Variants in ROBO3 observed in about 807,000 individuals in gnomAD.
The protein encoded by ROBO3 is roundabout guidance receptor 3.
A neutral mutation model predicts 160.5 loss-of-function variants in ROBO3; 97 were observed. That is an observed-to-expected ratio of 0.60 (90% CI 0.51 to 0.72). ROBO3 has a LOEUF of 0.72. Ranked by LOEUF, ROBO3 falls within the 30% of genes least tolerant of loss-of-function variation. ROBO3 has a pLI of 0.00. For synonymous variants in ROBO3, 780 were observed against 746.2 expected, an observed-to-expected ratio of 1.05 and a Z score of -0.74; for missense variants, 1,858 against 1,846.5, an observed-to-expected ratio of 1.01 and a Z score of -0.11.
In ROBO3 at chr11:124,878,489, T is replaced by C; in HGVS notation, c.3320+53T>C. On this transcript the variant is annotated intron_variant, in intron 22 of 27. Transcript: ENST00000397801. This position sits in a 1 kb window ranked among gnomAD's most constrained non-coding sequence, Gnocchi z 4.3. ...ACACACCTGCGGCCAGACCATGGGC[T>C]GCTGGGGAGGAAGGGGAGGGGGCAG... 3.7e-6 allele frequency: 6 copies of C among 1,604,198 alleles called. No individual in the cohort carries two copies. Among genetic ancestry groups the C allele is most frequent in the Non-Finnish European group, 4.3e-6 (5 of 1,173,702 alleles).
In ROBO3 at chr11:124,878,463, C is replaced by T; in HGVS notation, c.3320+27C>T. 1 of 1,609,386 alleles carries T rather than the reference C, an allele frequency of 6.2e-7. No individual in the cohort carries two copies. Among genetic ancestry groups the T allele is most frequent in the Non-Finnish European group, 8.5e-7 (1 of 1,177,070 alleles). On this transcript the variant is annotated intron_variant, in intron 22 of 27. Coordinates refer to ENST00000397801, the MANE Select transcript of ROBO3 (RefSeq NM_022370.4). The surrounding 1 kb of genome is among the most constrained non-coding windows in gnomAD (Gnocchi z 4.3). ...TAGAGATGCTCCCTGCTTCCAGGCCCACACACCTGCGGCCAGACCATGGGC... is the reference window on the plus strand; with the variant it reads ...TAGAGATGCTCCCTGCTTCCAGGCCTACACACCTGCGGCCAGACCATGGGC...
In ROBO3 at chr11:124,873,866, T is replaced by G; in HGVS notation, c.1784+4T>G. On this transcript the variant is annotated splice_donor_region_variant and intron_variant, in intron 11 of 27. Transcript: ENST00000397801. This position sits in a 1 kb window ranked among gnomAD's most constrained non-coding sequence, Gnocchi z 4.5. The stretch of plus-strand genomic sequence containing the variant: ...CTTATGTGATAGAGGCCTTCAGGTA[T>G]GGAGAAAGTTTTGAATGCAAACCTG... 6.2e-7 allele frequency: 1 copy of G among 1,612,542 alleles called. No individual in the cohort carries two copies. The highest frequency in any genetic ancestry group is 8.5e-7 in the Non-Finnish European group (1 of 1,179,152).
rs559490934 is a variant in ROBO3 at position 124,877,607 on chromosome 11, A to G, written c.2935A>G (p.Arg979Gly). 3.7e-6 allele frequency: 6 copies of G among 1,609,598 alleles called. No homozygotes were observed. The highest frequency in any genetic ancestry group is 5.1e-6 in the Non-Finnish European group (6 of 1,178,190). ...PSRSPSAQEP[R>G]GSCCPSNPDP... ...TCGAAGCCCCTCGGCCCAGGAACCC[A>G]GGGGAAGCTGCTGCCCTAGCAATCC... Residue 979 changes from arginine to glycine, a missense_variant, in exon 20 of 28, where the codon AGG (arginine) becomes GGG (glycine). Coordinates refer to ENST00000397801, the MANE Select transcript of ROBO3 (RefSeq NM_022370.4).
Position 124,873,921 on chromosome 11 carries a change from T to C in ROBO3, c.1784+59T>C. The stretch of plus-strand genomic sequence containing the variant: ...GTTAAAAGGAGGGGATCCTATGCCC[T>C]TAGGGTCTTTGCTATTGTGAGGTGG... On this transcript the variant is annotated intron_variant, in intron 11 of 27. Transcript: ENST00000397801. This position sits in a 1 kb window ranked among gnomAD's most constrained non-coding sequence, Gnocchi z 4.5. The C allele has an allele frequency of 6.2e-7, 1 of 1,602,604 alleles. No individual in the cohort carries two copies. Among genetic ancestry groups the C allele is most frequent in the Non-Finnish European group, 8.5e-7 (1 of 1,171,010 alleles).
chr11:124,876,261 T>C lies in ROBO3; in HGVS notation c.2594-14T>C. 1.3e-6 allele frequency: 2 copies of C among 1,488,846 alleles called. No individual in the cohort carries two copies. Among genetic ancestry groups the C allele is most frequent in the Non-Finnish European group, 1.8e-6 (2 of 1,130,368 alleles). The allele number at this position is 1,488,846 out of a possible 1,614,324, so 92.2% of individuals were successfully genotyped here. A position where few individuals can be genotyped will look rare whatever the true frequency, so the allele number is the denominator to read the frequency against. ...TTCGGGCCCCTCCTCCCCTCACTTC[T>C]CTGACCCCCACAGCGTCCCCGCCGG... On this transcript the variant is annotated splice_polypyrimidine_tract_variant and intron_variant, in intron 16 of 27. Transcript: ENST00000397801. This position sits in a 1 kb window ranked among gnomAD's most constrained non-coding sequence, Gnocchi z 5.3.
Position 124,879,549 on chromosome 11 carries a change from C to A in ROBO3, c.3770C>A (p.Pro1257His). The change falls in exon 25 of 28, where the codon CCC becomes CAC. Residue 1257 changes from proline (P) to histidine (H), a missense_variant. Physicochemically the swap from Pro to His is moderately conservative, Grantham distance 77. Transcript: ENST00000397801. ...TTCCGGAAGAAACCCAAGGCTCTTC[C>A]CTACAGGAGGGAGAACAGTCCTGGG... is the stretch of plus-strand genomic sequence containing the variant. ...ARFRKKPKAL[P>H]YRRENSPGDL... 1 of 1,613,538 alleles carries A rather than the reference C, an allele frequency of 6.2e-7. No individual in the cohort carries two copies. Among genetic ancestry groups the A allele is most frequent in the East Asian group, 2.2e-5 (1 of 44,858 alleles).
chr11:124,878,388 C>G lies in ROBO3; in HGVS notation c.3272C>G (p.Ser1091Cys). The G allele has an allele frequency of 6.2e-7, 1 of 1,613,982 alleles. No homozygotes were observed. Among genetic ancestry groups the G allele is most frequent in the Non-Finnish European group, 8.5e-7 (1 of 1,179,902 alleles). Residue 1091 changes from serine to cysteine, a missense_variant, in exon 22 of 28, where the codon TCT (serine) becomes TGT (cysteine). Transcript: ENST00000397801. This position sits in a 1 kb window ranked among gnomAD's most constrained non-coding sequence, Gnocchi z 4.3. ...GAAGCCCTGCCCCCACCTCCTCCTT[C>G]TTGTGAACTGAGCTGCCTAGAAGGG... is the stretch of plus-strand genomic sequence containing the variant. ...WPEALPPPPP[S>C]CELSCLEGPE...
intron 12 of ROBO3, 110 bp downstream of exon 12, chr11:124,874,346 C>A: frequency 1.9e-6 from 2 of 1,042,208 alleles, no homozygotes; most frequent in Non-Finnish European, 2.7e-6. Context: ...TCCTGCTATG[C>A]CAGGTCTATA....
At chr11:124,867,242 A>G (rs1946210554) in intron 1 of ROBO3, among the ~76,000 whole-genome samples, 1 of 152,214 alleles carries the variant, frequency 6.6e-6, no homozygotes, top group Non-Finnish European at 1.5e-5. Context: ...TAAGGTGCAT[A>G]TGCTGGGAAC....
At position 124,878,866 on chromosome 11, in the gene ROBO3, G is replaced by C; in HGVS notation, c.3533+70G>C. The C allele has an allele frequency of 7.7e-7, 1 of 1,296,500 alleles. No homozygotes were observed. Among genetic ancestry groups the C allele is most frequent in the Non-Finnish European group, 1.1e-6 (1 of 920,984 alleles). The allele number at this position is 1,296,500 out of a possible 1,614,324, so 80.3% of individuals were successfully genotyped here. A position where few individuals can be genotyped will look rare whatever the true frequency, so the allele number is the denominator to read the frequency against. ...GTATCTACTCAGTAGATGACTGGGTGGGTGGATGGATGGATGGGTGGATGG... is the reference window on the plus strand; with the variant it reads ...GTATCTACTCAGTAGATGACTGGGTCGGTGGATGGATGGATGGGTGGATGG... On this transcript the variant is annotated intron_variant, in intron 23 of 27. Transcript: ENST00000397801. The surrounding 1 kb of genome is among the most constrained non-coding windows in gnomAD (Gnocchi z 4.3).
intron 1 of ROBO3, among the ~76,000 whole-genome samples, chr11:124,866,403 C>A (rs181908088): frequency 1.4e-4 from 21 of 152,332 alleles, no homozygotes; most frequent in Middle Eastern, 3.4e-3. Flanking sequence ...CCTAGCGCCG[C>A]GGGGAAGCTG....
rs759990573 is a variant in ROBO3, at chr11:124,878,124, G to A, written c.3174G>A (p.Gly1058=). ...SQYAPPEWSQ[G]DSGAKGGKVK... ...ACGCTCCTCCAGAGTGGAGCCAGGG[G>A]GACAGTGGTATGACTCCAACTCCTG... Residue 1058 remains glycine, a synonymous_variant, in exon 21 of 28, where the codon GGG becomes GGA. Coordinates refer to ENST00000397801, the MANE Select transcript of ROBO3 (RefSeq NM_022370.4). The surrounding 1 kb of genome is among the most constrained non-coding windows in gnomAD (Gnocchi z 4.3). 1 of 1,604,806 alleles carries A rather than the reference G, an allele frequency of 6.2e-7. No individual in the cohort carries two copies. The highest frequency in any genetic ancestry group is 8.5e-7 in the Non-Finnish European group (1 of 1,176,312).
At chr11:124,877,700 T>C (rs199557555) in intron 20 of ROBO3, 42 bp downstream of exon 20, 67 of 1,602,522 alleles carry the variant, frequency 4.2e-5, no homozygotes, top group Non-Finnish European at 5.4e-5. Context: ...AGCGCACTTC[T>C]CCCGACCTAC....
chr11:124,879,659 G>A (rs1946511824), intron 25 of ROBO3, 84 bp downstream of exon 25: 4 of 1,524,484 alleles, frequency 2.6e-6, no homozygotes, highest in East Asian at 4.8e-5. Flanking sequence ...GGGGGCTGGA[G>A]GAGGGAACAG....
chr11:124,876,313 G>A lies in ROBO3; in HGVS notation c.2632G>A (p.Ala878Thr), dbSNP rs766565553. The A allele has an allele frequency of 3.9e-5, 56 of 1,443,766 alleles. No homozygotes were observed. The highest frequency in any genetic ancestry group is 5.0e-5 in the Non-Finnish European group (55 of 1,110,776). 89.4% of individuals were successfully genotyped at this position (1,443,766 alleles called of 1,614,324 possible). The change falls in exon 17 of 28, where the codon GCG (alanine) becomes ACG (threonine). Residue 878 changes from alanine (A) to threonine (T), a missense_variant. Ala to Thr is a moderately conservative substitution (Grantham distance 58). Coordinates refer to ENST00000397801, the MANE Select transcript of ROBO3 (RefSeq NM_022370.4). This position sits in a 1 kb window ranked among gnomAD's most constrained non-coding sequence, Gnocchi z 5.3. Reference sequence around the variant, plus strand: ...CCTGGAGCCCGGGCTGGAGGTGGGCGCGGGGCTGGCGGTGCGGCTGGCGAG... The same window carrying A: ...CCTGGAGCCCGGGCTGGAGGTGGGCACGGGGCTGGCGGTGCGGCTGGCGAG... ...PDLEPGLEVG[A>T]GLAVRLARVL...
At chr11:124,867,700 A>G (rs1565307890) in intron 1 of ROBO3, among the ~76,000 whole-genome samples, 2 of 138,104 alleles carry the variant, frequency 1.4e-5, no homozygotes. Context: ...AACTTCTAAG[A>G]GGGGGGGCAG....
Position 124,879,516 on chromosome 11 carries a change from G to A in ROBO3, c.3737G>A (p.Arg1246His), listed in dbSNP as rs541657126. Reference sequence around the variant, plus strand: ...ATGACTCCCCCACTTCAAGGACCCCGTGCTCGATTCCGGAAGAAACCCAAG... The same window carrying A: ...ATGACTCCCCCACTTCAAGGACCCCATGCTCGATTCCGGAAGAAACCCAAG... ...GEMTPPLQGP[R>H]ARFRKKPKAL... Residue 1246 changes from arginine to histidine, a missense_variant, in exon 25 of 28, where the codon CGT becomes CAT. Arg to His is a conservative substitution (Grantham distance 29). Transcript: ENST00000397801. The A allele has an allele frequency of 8.7e-6, 14 of 1,613,938 alleles. No individual in the cohort carries two copies. The highest frequency in any genetic ancestry group is 6.7e-5 in the Admixed American group (4 of 60,020).
chr11:124,874,747 G>C (rs546691931), intron 12 of ROBO3, 41 bp from the exon 13 acceptor site: 1 of 1,581,018 alleles, frequency 6.3e-7, no homozygotes, highest in Non-Finnish European at 8.6e-7. Flanking sequence ...CTATCTCCCT[G>C]TCCCTGGTGG....
chr11:124,868,436 A>AC, intron 1 of ROBO3: 1 of 562,696 alleles, frequency 1.8e-6, no homozygotes, highest in African/African-American at 1.9e-5. Context: ...GGAGATGGAA[A>AC]CCACTGGGCA....
Sources: gnomAD v4.1 joint callset for allele counts (sites outside exome capture counted in the v4.1 genomes callset) on GRCh38, gnomAD v4.1.1 for gene constraint, Gnocchi (gnomAD v3.1) non-coding constraint, MANE v1.5 for transcripts, NCBI Gene and HGNC (gene_info 2026-07-23, HGNC 2026-07-21) for gene names.